LRP1B: variants seen among roughly 807,000 people sequenced by gnomAD.
LRP1B encodes the protein LDL receptor related protein 1B.
A neutral mutation model predicts 556.6 loss-of-function variants in LRP1B; 217 were observed. That is an observed-to-expected ratio of 0.39 (90% confidence interval 0.35 to 0.44). The LOEUF is 0.44. Among genes scored for constraint, LRP1B ranks in the 20% least tolerant of loss-of-function variants. The pLI, the probability that LRP1B is intolerant of heterozygous loss-of-function variation, is 1.00. For synonymous variants in LRP1B, 2,047 were observed against 1,865.8 expected, an observed-to-expected ratio of 1.10 and a Z score of -2.50; for missense variants, 5,053 against 5,620.8, an observed-to-expected ratio of 0.90 and a Z score of 3.23.
intron 31 of LRP1B, among the ~76,000 whole-genome samples, chr2:140,821,675 G>C (rs1691333323): frequency 6.6e-6 from 1 of 152,166 alleles, no homozygotes; most frequent in Non-Finnish European, 1.5e-5. Context: ...AAAATGCCTG[G>C]TAGATTTCAA....
intron 11 of LRP1B, among the ~76,000 whole-genome samples, chr2:141,040,257 A>C (rs909782932): frequency 2.0e-5 from 3 of 152,254 alleles, no homozygotes; most frequent in Admixed American, 2.0e-4. Context: ...GAAATCCAAT[A>C]ATGAAGAGTA....
intron 20 of LRP1B, among the ~76,000 whole-genome samples, chr2:140,932,745 G>T (rs1249411561): frequency 1.3e-5 from 2 of 150,864 alleles, no homozygotes; most frequent in African/African-American, 4.9e-5. Context: ...AGGGCATGGT[G>T]GCATGCACCT....
chr2:140,564,897 C>T (rs1681068804), intron 43 of LRP1B, among the ~76,000 whole-genome samples: 1 of 152,012 alleles, frequency 6.6e-6, no homozygotes, highest in Non-Finnish European at 1.5e-5. Context: ...TAAAGCCACT[C>T]TTGTTGTTTC....
In LRP1B at chr2:140,854,499, A is replaced by G. The variant is rs191058976; in HGVS notation, c.4580-2716T>C. Among the ~76,000 whole-genome samples, 103 of 152,278 alleles carry G rather than the reference A, an allele frequency of 6.8e-4. 1 individual carries two copies. The highest frequency in any genetic ancestry group is 2.0e-3 in the African/African-American group (82 of 41,552). Reference sequence around the variant, plus strand: ...TCTTCTCACTTTCAAGGATTTAACAATATTATTTCAAAGTTTCTTTCCAAA... The same window carrying G: ...TCTTCTCACTTTCAAGGATTTAACAGTATTATTTCAAAGTTTCTTTCCAAA... On this transcript the variant is annotated intron_variant, in intron 27 of 90. Coordinates refer to ENST00000389484, the MANE Select transcript of LRP1B (RefSeq NM_018557.3).
At chr2:141,314,904 A>G (rs2105457392) in intron 3 of LRP1B, among the ~76,000 whole-genome samples, 1 of 146,308 alleles carries the variant, frequency 6.8e-6, no homozygotes, top group Non-Finnish European at 1.5e-5. Context: ...ACATATATAT[A>G]TATATACACA....
chr2:140,948,385 T>G (rs115054498), intron 20 of LRP1B, among the ~76,000 whole-genome samples: 1 of 152,288 alleles, frequency 6.6e-6, no homozygotes, highest in South Asian at 2.1e-4. Flanking sequence ...ACTTTACATA[T>G]ACTTTTTCTT....
chr2:140,608,547 A>G (rs1346773489), intron 41 of LRP1B, among the ~76,000 whole-genome samples: 2 of 152,202 alleles, frequency 1.3e-5, no homozygotes, highest in Non-Finnish European at 2.9e-5. Context: ...ACTTAGTAAA[A>G]CACATGATTT....
Position 142,117,666 on chromosome 2 carries a change from C to A in LRP1B, c.82+12982G>T, listed in dbSNP as rs557680560. Among the ~76,000 whole-genome samples, 7 of 151,918 alleles carry A rather than the reference C, an allele frequency of 4.6e-5. No individual in the cohort carries two copies. In the South Asian group the frequency reaches 1.2e-3, roughly 27 times the overall value. On this transcript the variant is annotated intron_variant, in intron 1 of 90. Coordinates refer to ENST00000389484, the MANE Select transcript of LRP1B (RefSeq NM_018557.3). ...AAGAGAGAGTCTGTGTATGTGTTTT[C>A]TGCTTTATCTTGATAGGCAATATTT...
intron 7 of LRP1B, among the ~76,000 whole-genome samples, chr2:141,073,313 C>A (rs956973276): frequency 1.3e-5 from 2 of 152,066 alleles, no homozygotes; most frequent in African/African-American, 4.8e-5. Context: ...TTTATGACCT[C>A]TCTGTGGCAT....
intron 7 of LRP1B, among the ~76,000 whole-genome samples, chr2:141,106,881 T>C (rs994106650): frequency 1.3e-5 from 2 of 152,188 alleles, no homozygotes; most frequent in African/African-American, 4.8e-5. Flanking sequence ...AGTTGCTCAG[T>C]GATATTTATT....
intron 9 of LRP1B, among the ~76,000 whole-genome samples, chr2:141,057,290 C>T (rs911831909): frequency 6.6e-6 from 1 of 151,844 alleles, no homozygotes; most frequent in South Asian, 2.1e-4. Context: ...TATGGTCCTC[C>T]TTTGTTTCTC....
At chr2:141,475,365 T>G (rs1682660800) in intron 3 of LRP1B, among the ~76,000 whole-genome samples, 3 of 152,130 alleles carry the variant, frequency 2.0e-5, no homozygotes. Flanking sequence ...AGATTCTGTC[T>G]AAATAAATAA....
In LRP1B at chr2:141,146,002, G is replaced by A. The variant is rs577916603; in HGVS notation, c.1013+42419C>T. Among the ~76,000 whole-genome samples, 7 of 129,818 alleles carry A rather than the reference G, an allele frequency of 5.4e-5. 1 individual carries two copies. The highest frequency in any genetic ancestry group is 3.8e-4 in the Admixed American group (4 of 10,584). The allele number at this position is 129,818 out of a possible 152,430, so 85.2% of individuals were successfully genotyped here. A position where few individuals can be genotyped will look rare whatever the true frequency, so the allele number is the denominator to read the frequency against. ...TGTAGTGGTGCAATCTCAGCTCACC[G>A]CAACCTTCACCTCCTAAGTTCAAGC... On this transcript the variant is annotated intron_variant, in intron 7 of 90. Transcript: ENST00000389484.
intron 35 of LRP1B, among the ~76,000 whole-genome samples, chr2:140,728,660 T>C (rs1360134162): frequency 6.6e-6 from 1 of 152,150 alleles, no homozygotes; most frequent in South Asian, 2.1e-4. Context: ...ACAGAGGCCT[T>C]CCCAACAAAT....
intron 52 of LRP1B, among the ~76,000 whole-genome samples, chr2:140,507,678 G>T (rs967030360): frequency 4.6e-5 from 7 of 152,050 alleles, no homozygotes; most frequent in African/African-American, 1.7e-4. Flanking sequence ...AGAATCATAA[G>T]AGGTTTGCAA....
intron 43 of LRP1B, among the ~76,000 whole-genome samples, chr2:140,554,588 C>T (rs957326215): frequency 3.3e-5 from 5 of 151,892 alleles, no homozygotes; most frequent in African/African-American, 9.7e-5. Flanking sequence ...TCTCCATATC[C>T]GGAACAGTTT....
At chr2:141,605,063 C>T (rs1289987751) in intron 2 of LRP1B, among the ~76,000 whole-genome samples, 1 of 151,844 alleles carries the variant, frequency 6.6e-6, no homozygotes, top group East Asian at 2.0e-4. Context: ...CGTTGCCAGC[C>T]AGAGGTTCCT....
At chr2:140,726,838 T>C (rs1304410273) in intron 35 of LRP1B, among the ~76,000 whole-genome samples, 1 of 152,162 alleles carries the variant, frequency 6.6e-6, no homozygotes, top group Non-Finnish European at 1.5e-5. Context: ...TCTCTTTGTG[T>C]TCATTTCTTC....
chr2:140,837,699 C>G (rs565623627), intron 31 of LRP1B, among the ~76,000 whole-genome samples: 172 of 151,606 alleles, frequency 1.1e-3, no homozygotes, highest in Non-Finnish European at 2.1e-3. Flanking sequence ...GACAAAAAAC[C>G]AAACACCGCA....
Sources: gnomAD v4.1 joint callset for allele counts (sites outside exome capture counted in the v4.1 genomes callset) on GRCh38, gnomAD v4.1.1 for gene constraint, MANE v1.5 for transcripts, NCBI Gene and HGNC (gene_info 2026-07-23, HGNC 2026-07-21) for gene names.